The following SSPN variants were observed in gnomAD, a reference collection of about 807,000 sequenced individuals.
SSPN encodes K-ras oncogene-associated protein.
A neutral mutation model predicts 19.1 loss-of-function variants in SSPN; 15 were observed. The observed-to-expected ratio is 0.78, with a 90% CI of 0.52 to 1.21. SSPN has a LOEUF of 1.21. Among genes scored for constraint, SSPN ranks in the 50% most tolerant of loss-of-function variants. The pLI, the probability that SSPN is intolerant of heterozygous loss-of-function variation, is 0.00. For missense variants in SSPN, 291 were observed against 314.0 expected, an observed-to-expected ratio of 0.93 and a Z score of 0.55; for synonymous variants, 147 against 140.3, an observed-to-expected ratio of 1.05 and a Z score of -0.34.
intron 1 of SSPN, among the ~76,000 whole-genome samples, chr12:26,215,008 C>T (rs761761653): frequency 6.6e-6 from 1 of 152,158 alleles, no homozygotes; most frequent in African/African-American, 2.4e-5. Context: ...GTCAGCTGCT[C>T]ATATTCACAT....
At chr12:26,194,052 C>T (rs893657017), upstream of SSPN, among the ~76,000 whole-genome samples, 9 of 152,240 alleles carry the variant, frequency 5.9e-5, no homozygotes, top group South Asian at 6.2e-4. Flanking sequence ...TAGCCTTTAT[C>T]CTAACATCTT....
At chr12:26,144,792 C>T (rs150491796) in intron 1 of SSPN, among the ~76,000 whole-genome samples, 8 of 152,222 alleles carry the variant, frequency 5.3e-5, no homozygotes, top group East Asian at 1.9e-4. Context: ...TTATATTATC[C>T]GACAAGTAGA....
At chr12:26,192,664 A>G (rs943528801), upstream of SSPN, among the ~76,000 whole-genome samples, 2 of 152,212 alleles carry the variant, frequency 1.3e-5, no homozygotes, top group Non-Finnish European at 2.9e-5. Context: ...TGGGAAGCTG[A>G]GCAGGTGTGA....
chr12:26,228,252 A>G (rs1945196606), intron 2 of SSPN, among the ~76,000 whole-genome samples: 1 of 151,924 alleles, frequency 6.6e-6, no homozygotes, highest in Non-Finnish European at 1.5e-5. Flanking sequence ...TACAAAAATT[A>G]GCTGGGTGTG....
At chr12:26,187,736 A>G (rs182034525) in intron 1 of SSPN, among the ~76,000 whole-genome samples, 58 of 152,334 alleles carry the variant, frequency 3.8e-4, no homozygotes, top group Non-Finnish European at 6.8e-4. Context: ...GTCATTCTGG[A>G]AAAGTCTCAA....
At chr12:26,187,927 T>C (rs1225970384) in intron 1 of SSPN, among the ~76,000 whole-genome samples, 7 of 152,140 alleles carry the variant, frequency 4.6e-5, no homozygotes, top group Non-Finnish European at 8.8e-5. Context: ...AGGACAAGAT[T>C]GCCGAAGAGA....
chr12:26,148,501 T>C lies in SSPN; in HGVS notation c.-31+26349T>C, dbSNP rs529779880. 3.3e-5 allele frequency among the ~76,000 whole-genome samples: 5 copies of C among 152,362 alleles called. No individual in the cohort carries two copies. The South Asian group carries it at 1.0e-3, about 32-fold the overall frequency. On this transcript the variant is annotated intron_variant, in intron 1 of 2. Coordinates refer to the SSPN transcript ENST00000538142. ...TAAAGAACGGGCCAACATGATGTGC[T>C]GCTTTACAGAGTGGATGTAAGTGAA...
At chr12:26,163,934 C>T (rs559238256) in intron 1 of SSPN, among the ~76,000 whole-genome samples, 16 of 152,266 alleles carry the variant, frequency 1.1e-4, no homozygotes, top group African/African-American at 2.9e-4. Context: ...AAAAGCAGTC[C>T]CTGCTGTCAA....
chr12:26,129,717 A>G (rs1944387077), intron 1 of SSPN, among the ~76,000 whole-genome samples: 2 of 152,234 alleles, frequency 1.3e-5, no homozygotes, highest in Non-Finnish European at 2.9e-5. Context: ...CCATAAACAT[A>G]CCTATGAACC....
At chr12:26,123,616 C>A in intron 1 of SSPN, 1 of 1,597,366 alleles carries the variant, frequency 6.3e-7, no homozygotes, top group Non-Finnish European at 8.6e-7. Context: ...GCTGGCCTCC[C>A]TGAACTGACT....
rs561913840 is a variant in SSPN, at chr12:26,233,153, T to A, written c.*2077T>A. The stretch of plus-strand genomic sequence containing the variant: ...AACATTTTATAGTGAACACTACAAG[T>A]TTTTATATTTAAAAATTAAGACTCT... On this transcript the variant is annotated 3_prime_UTR_variant, in exon 3 of 3. Transcript: ENST00000242729. This position sits in a 1 kb window ranked among gnomAD's most constrained non-coding sequence, Gnocchi z 4.3. 1 of 152,118 alleles carries A rather than the reference T, an allele frequency of 6.6e-6. No homozygotes were observed. Among genetic ancestry groups the A allele is most frequent in the Non-Finnish European group, 1.5e-5 (1 of 67,976 alleles). 9.4% of individuals were successfully genotyped at this position (152,118 alleles called of 1,614,324 possible). A position where few individuals can be genotyped will look rare whatever the true frequency, so the allele number is the denominator to read the frequency against.
chr12:26,196,064 T>G, intron 1 of SSPN, 113 bp downstream of exon 1: 1 of 916,892 alleles, frequency 1.1e-6, no homozygotes, highest in Non-Finnish European at 1.5e-6. Context: ...TTCACTCTTC[T>G]AACTCGCGCT....
chr12:26,146,347 C>G (rs1342838045), intron 1 of SSPN, among the ~76,000 whole-genome samples: 1 of 152,172 alleles, frequency 6.6e-6, no homozygotes, highest in African/African-American at 2.4e-5. Flanking sequence ...CACCCTCAGT[C>G]TCACCCTCGT....
intron 1 of SSPN, among the ~76,000 whole-genome samples, chr12:26,201,047 T>TATATATATAAA (rs1944879731): frequency 4.3e-4 from 22 of 50,988 alleles, no homozygotes; most frequent in East Asian, 1.4e-3. Context: ...ATATATATAT[T>TATATATATAAA]ATATATATAT....
intron 1 of SSPN, among the ~76,000 whole-genome samples, chr12:26,169,310 A>G (rs1944640437): frequency 6.6e-6 from 1 of 152,078 alleles, no homozygotes; most frequent in Non-Finnish European, 1.5e-5. Context: ...AATGACAGCC[A>G]CTCATAATGG....
chr12:26,177,364 A>C (rs1388644743), intron 1 of SSPN, among the ~76,000 whole-genome samples: 1 of 152,150 alleles, frequency 6.6e-6, no homozygotes, highest in Non-Finnish European at 1.5e-5. Context: ...ACACTCAGAT[A>C]AATCTTGGAC....
At chr12:26,182,764 T>C (rs1177496095) in intron 1 of SSPN, among the ~76,000 whole-genome samples, 1 of 107,700 alleles carries the variant, frequency 9.3e-6, no homozygotes, top group Non-Finnish European at 2.0e-5. Context: ...TAAAAGTACA[T>C]ACTTTTTTTT....
At chr12:26,213,207 G>A (rs1945010254) in intron 1 of SSPN, among the ~76,000 whole-genome samples, 1 of 151,982 alleles carries the variant, frequency 6.6e-6, no homozygotes, top group Admixed American at 6.6e-5. Flanking sequence ...CTGGGCATGG[G>A]ACATAGTTCC....
chr12:26,194,675 G>T (rs1004168054), upstream of SSPN, among the ~76,000 whole-genome samples: 1 of 152,204 alleles, frequency 6.6e-6, no homozygotes, highest in Non-Finnish European at 1.5e-5. Flanking sequence ...TGAGCCAACA[G>T]AGCTTTTAAA....
Sources: gnomAD v4.1 joint callset for allele counts (sites outside exome capture counted in the v4.1 genomes callset) on GRCh38, gnomAD v4.1.1 for gene constraint, Gnocchi (gnomAD v3.1) non-coding constraint, MANE v1.5 for transcripts, NCBI Gene and HGNC (gene_info 2026-07-23, HGNC 2026-07-21) for gene names.